Variants in NAIF1 observed in about 807,000 individuals in gnomAD.
NAIF1 encodes nuclear apoptosis-inducing factor 1.
Under a neutral mutation model 20.7 loss-of-function variants are expected in NAIF1, and 14 were observed. The observed-to-expected ratio is 0.67, with a 90% CI of 0.45 to 1.05. The LOEUF is 1.05. Ranked by LOEUF, NAIF1 falls within the 50% of genes least tolerant of loss-of-function variation. The pLI is 0.00. For synonymous variants in NAIF1, 191 were observed against 191.4 expected (o/e 1.00, Z 0.02); for missense variants, 362 against 448.8 (o/e 0.81, Z 1.75).
chr9:128,063,441 C>G lies in NAIF1; in HGVS notation c.971G>C (p.Ser324Thr), dbSNP rs745333416. ...GQVAQNGQPD[S>T]IIQ ...TGACCCCTGCCCTCACTGGATGATG[C>G]TGTCTGGCTGCCCATTCTGGGCCAC... Residue 324 changes from serine to threonine, a missense_variant, in exon 2 of 2, where the codon AGC becomes ACC. Around this residue, in one of 3 missense-constraint regions of NAIF1, gnomAD observed 300 missense variants for 342.7 expected, o/e 0.88. Transcript: ENST00000373078. This position sits in a 1 kb window ranked among gnomAD's most constrained non-coding sequence, Gnocchi z 4.3. 6.2e-7 allele frequency: 1 copy of G among 1,607,490 alleles called. No homozygotes were observed. Among genetic ancestry groups the G allele is most frequent in the South Asian group, 1.1e-5 (1 of 91,020 alleles).
Position 128,063,118 on chromosome 9 carries a change from T to A in NAIF1, c.*310A>T. ...CCCGTTGTGTTGTTCCTTACAGTTG[T>A]CCAAGACCAAGGCTGGGTCATGTCA... On this transcript the variant is annotated 3_prime_UTR_variant, in exon 2 of 2. Coordinates refer to ENST00000373078, the MANE Select transcript of NAIF1 (RefSeq NM_197956.4). This position sits in a 1 kb window ranked among gnomAD's most constrained non-coding sequence, Gnocchi z 4.3. The A allele has an allele frequency of 2.5e-6, 1 of 392,728 alleles. No individual in the cohort carries two copies. The highest frequency in any genetic ancestry group is 4.7e-6 in the Non-Finnish European group (1 of 211,332). 24.3% of individuals were successfully genotyped at this position (392,728 alleles called of 1,614,324 possible).
chr9:128,064,672 T>C (rs976290224), intron 1 of NAIF1, among the ~76,000 whole-genome samples: 2 of 151,996 alleles, frequency 1.3e-5, no homozygotes, highest in Non-Finnish European at 2.9e-5. Context: ...GAGCCCGATG[T>C]GCTCCTGACC....
Position 128,062,905 on chromosome 9 carries a change from C to A in NAIF1, c.*523G>T. ...GGGAGAGCACAACAGTCATTGGAGT[C>A]CCCTGAGAACTGAGGCACAGTGAGG... On this transcript the variant is annotated 3_prime_UTR_variant, in exon 2 of 2. Transcript: ENST00000373078. 5.9e-6 allele frequency: 1 copy of A among 170,598 alleles called. No homozygotes were observed. The highest frequency in any genetic ancestry group is 1.3e-5 in the Non-Finnish European group (1 of 77,238). 10.6% of individuals were successfully genotyped at this position (170,598 alleles called of 1,614,324 possible).
rs751617603 is a variant in NAIF1 at position 128,066,966 on chromosome 9, C to A, written c.136G>T (p.Ala46Ser). 6 of 1,613,334 alleles carry A rather than the reference C, an allele frequency of 3.7e-6. No homozygotes were observed. Among genetic ancestry groups the A allele is most frequent in the Non-Finnish European group, 4.2e-6 (5 of 1,180,000 alleles). The change falls in exon 1 of 2, where the codon GCG becomes TCG. Residue 46 changes from alanine to serine, a missense_variant. Ala to Ser is a moderately conservative substitution (Grantham distance 99). Coordinates refer to ENST00000373078, the MANE Select transcript of NAIF1 (RefSeq NM_197956.4). ...NAGVPLAAKS[A>S]AWHGILRRVN... ...CTTCTCAGGATGCCGTGCCAGGCCG[C>A]ACTCTTGGCGGCCAGGGGTACCCCG...
Position 128,066,837 on chromosome 9 carries a change from C to T in NAIF1, c.265G>A (p.Ala89Thr), listed in dbSNP as rs750746109. The T allele has an allele frequency of 9.3e-6, 15 of 1,611,786 alleles. No individual in the cohort carries two copies. In the Admixed American group the frequency reaches 1.5e-4, roughly 16 times the overall value. The change falls in exon 1 of 2, where the codon GCC (alanine) becomes ACC (threonine). Residue 89 changes from alanine (A) to threonine (T), a missense_variant. By Grantham distance (58) the Ala-to-Thr change is moderately conservative (BLOSUM62 0). Transcript: ENST00000373078. ...CCCGGCGCCTCACCACCCTCCACGG[C>T]GGCCCGGACCTGGGCAACCTTGCGA... Reference protein sequence around the residue: ...VRRKVAQVRAAVEGGEAPGPT... With the variant: ...VRRKVAQVRATVEGGEAPGPT...
In NAIF1 at chr9:128,063,487, G is replaced by A. The variant is rs1453023479; in HGVS notation, c.925C>T (p.Pro309Ser). Residue 309 changes from proline to serine, a missense_variant, in exon 2 of 2, where the codon CCC becomes TCC. Physicochemically the swap from Pro to Ser is moderately conservative, Grantham distance 74 (BLOSUM62 -1). Around this residue, in one of 3 missense-constraint regions of NAIF1, gnomAD observed 300 missense variants for 342.7 expected, o/e 0.88. Transcript: ENST00000373078. The surrounding 1 kb of genome is among the most constrained non-coding windows in gnomAD (Gnocchi z 4.3). ...YLQSNTANPAPASDPGQVAQN... is the reference protein window; with the variant it reads ...YLQSNTANPASASDPGQVAQN... ...GCCACCTGCCCAGGGTCAGAGGCGG[G>A]GGCCGGGTTAGCTGTGTTGCTCTGC... The A allele has an allele frequency of 6.2e-7, 1 of 1,609,694 alleles. No homozygotes were observed. Among genetic ancestry groups the A allele is most frequent in the Non-Finnish European group, 8.5e-7 (1 of 1,180,004 alleles).
chr9:128,065,345 G>A (rs969215566), intron 1 of NAIF1, among the ~76,000 whole-genome samples: 3 of 152,010 alleles, frequency 2.0e-5, no homozygotes, highest in Non-Finnish European at 4.4e-5. Context: ...TCGAACTCCT[G>A]ACCTCCACTG....
Position 128,063,724 on chromosome 9 carries a change from T to A in NAIF1, c.688A>T (p.Ile230Leu). 1 of 1,614,244 alleles carries A rather than the reference T, an allele frequency of 6.2e-7. No individual in the cohort carries two copies. The highest frequency in any genetic ancestry group is 8.5e-7 in the Non-Finnish European group (1 of 1,180,052). Reference protein sequence around the residue: ...SRIALNSAKLIQEQRVTNLHV... With the variant: ...SRIALNSAKLLQEQRVTNLHV... ...AGGTTGGTGACCCGCTGCTCCTGTATCAGCTTGGCGGAGTTGAGAGCAATG... is the reference window on the plus strand; with the variant it reads ...AGGTTGGTGACCCGCTGCTCCTGTAACAGCTTGGCGGAGTTGAGAGCAATG... Residue 230 changes from isoleucine (I) to leucine (L), a missense_variant, in exon 2 of 2, where the codon ATA becomes TTA. Ile to Leu is a conservative substitution (Grantham distance 5). Coordinates refer to ENST00000373078, the MANE Select transcript of NAIF1 (RefSeq NM_197956.4). The surrounding 1 kb of genome is among the most constrained non-coding windows in gnomAD (Gnocchi z 4.3).
chr9:128,064,036 C>T, intron 1 of NAIF1, 136 bp from the exon 2 acceptor site: 2 of 611,700 alleles, frequency 3.3e-6, no homozygotes. Context: ...CCCCTGGCTG[C>T]ATAGCTATTC....
In NAIF1 at chr9:128,063,477, T is replaced by TC; in HGVS notation, c.934dup (p.Asp312GlyfsTer41). The TC allele has an allele frequency of 6.2e-7, 1 of 1,609,794 alleles. No individual in the cohort carries two copies. On this transcript the variant is annotated frameshift_variant, in exon 2 of 2. Transcript: ENST00000373078. LOFTEE classifies it high-confidence loss of function. This position sits in a 1 kb window ranked among gnomAD's most constrained non-coding sequence, Gnocchi z 4.3. ...CCCATTCTGGGCCACCTGCCCAGGG[T>TC]CAGAGGCGGGGGCCGGGTTAGCTGT...
chr9:128,065,336 C>A (rs941010831), intron 1 of NAIF1, among the ~76,000 whole-genome samples: 21 of 151,924 alleles, frequency 1.4e-4, no homozygotes, highest in African/African-American at 5.1e-4. Context: ...AGGCTTGTCT[C>A]GAACTCCTGA....
Position 128,067,124 on chromosome 9 carries a change from T to G in NAIF1, c.-23A>C, listed in dbSNP as rs377083941. 84 of 1,559,132 alleles carry G rather than the reference T, an allele frequency of 5.4e-5. 2 individuals are homozygous for G. The African/African-American group carries it at 5.6e-4, about 10-fold the overall frequency. On this transcript the variant is annotated 5_prime_UTR_variant, in exon 1 of 2. Coordinates refer to ENST00000373078, the MANE Select transcript of NAIF1 (RefSeq NM_197956.4). ...CATGGCCTCTCCCCTCCCCTCTTTTTAAAGAAATTATAATCCCCTCAAGCG... is the reference window on the plus strand; with the variant it reads ...CATGGCCTCTCCCCTCCCCTCTTTTGAAAGAAATTATAATCCCCTCAAGCG...
chr9:128,063,860 C>T lies in NAIF1; in HGVS notation c.552G>A (p.Val184=). 6 of 1,610,240 alleles carry T rather than the reference C, an allele frequency of 3.7e-6. No homozygotes were observed. Among genetic ancestry groups the T allele is most frequent in the Non-Finnish European group, 5.1e-6 (6 of 1,180,000 alleles). ...GCGCCTCAGCCGTGCAGTACTCCAC[C>T]ACGCCCTCCTCCAGCGTGTGATAGG... ...ETTYHTLEEG[V]VEYCTAEAPP... is the part of the protein sequence containing the mutation. The change falls in exon 2 of 2, where the codon GTG becomes GTA. Residue 184 remains valine, a synonymous_variant. Coordinates refer to ENST00000373078, the MANE Select transcript of NAIF1 (RefSeq NM_197956.4). This position sits in a 1 kb window ranked among gnomAD's most constrained non-coding sequence, Gnocchi z 4.3.
chr9:128,066,828 C>A lies in NAIF1; in HGVS notation c.274G>T (p.Gly92Cys), dbSNP rs1462732292. 1.2e-6 allele frequency: 2 copies of A among 1,611,750 alleles called. No homozygotes were observed. Among genetic ancestry groups the A allele is most frequent in the Non-Finnish European group, 1.7e-6 (2 of 1,179,284 alleles). ...TCAGTGGGCCCCGGCGCCTCACCAC[C>A]CTCCACGGCGGCCCGGACCTGGGCA... Reference protein sequence around the residue: ...KVAQVRAAVEGGEAPGPTEED... With the variant: ...KVAQVRAAVECGEAPGPTEED... Residue 92 changes from glycine to cysteine, a missense_variant, in exon 1 of 2, where the codon GGT (glycine) becomes TGT (cysteine). Transcript: ENST00000373078.
At position 128,067,088 on chromosome 9, in the gene NAIF1, G is replaced by C; in HGVS notation, c.14C>G (p.Ala5Gly). 6.2e-7 allele frequency: 1 copy of C among 1,600,126 alleles called. No homozygotes were observed. Among genetic ancestry groups the C allele is most frequent in the Non-Finnish European group, 8.6e-7 (1 of 1,169,172 alleles). Residue 5 changes from alanine to glycine, a missense_variant, in exon 1 of 2, where the codon GCC becomes GGC. This residue lies in a region of NAIF1 where 51 missense variants were observed against 68.7 expected (regional missense o/e 0.74). Transcript: ENST00000373078. ...TGAGAAGTTCATCTTCCTTTTCTTG[G>C]CTGGGACGGCCATGGCCTCTCCCCT... MAVP[A>G]KKRKMNFSER...
intron 1 of NAIF1, among the ~76,000 whole-genome samples, chr9:128,064,311 C>T (rs1032072718): frequency 4.6e-5 from 7 of 151,618 alleles, no homozygotes; most frequent in Admixed American, 3.9e-4. Context: ...CTCCTGACCT[C>T]GTGATCCGCC....
chr9:128,064,344 G>C (rs1359168440), intron 1 of NAIF1, among the ~76,000 whole-genome samples: 1 of 151,888 alleles, frequency 6.6e-6, no homozygotes, highest in African/African-American at 2.4e-5. Flanking sequence ...CCAAAGTGCT[G>C]GGATTACAGG....
rs1291076520 is a variant in NAIF1 at position 128,066,955 on chromosome 9, G to A, written c.147C>T (p.His49=). Residue 49 remains histidine, a synonymous_variant, in exon 1 of 2, where the codon CAC becomes CAT. Transcript: ENST00000373078. ...CGGCGTTGACCCTTCTCAGGATGCCGTGCCAGGCCGCACTCTTGGCGGCCA... is the reference window on the plus strand; with the variant it reads ...CGGCGTTGACCCTTCTCAGGATGCCATGCCAGGCCGCACTCTTGGCGGCCA... The part of the protein sequence containing the change: ...VPLAAKSAAW[H]GILRRVNAVA... 5 of 1,612,836 alleles carry A rather than the reference G, an allele frequency of 3.1e-6. No homozygotes were observed. The highest frequency in any genetic ancestry group is 2.7e-5 in the African/African-American group (2 of 74,948).
At chr9:128,064,576 C>T (rs951063876) in intron 1 of NAIF1, among the ~76,000 whole-genome samples, 27 of 152,268 alleles carry the variant, frequency 1.8e-4, no homozygotes, top group African/African-American at 6.5e-4. Context: ...GATGAGGAAA[C>T]AGACTGAGAA....
Sources: allele counts gnomAD v4.1 joint callset (sites outside exome capture counted in the v4.1 genomes callset), GRCh38; gene constraint gnomAD v4.1.1; regional missense constraint gnomAD v4.1.1; non-coding constraint Gnocchi (gnomAD v3.1); transcripts MANE v1.5; gene names NCBI Gene and HGNC (gene_info 2026-07-23, HGNC 2026-07-21).